SNX24: variants seen among roughly 807,000 people sequenced by gnomAD.
SNX24 encodes sorting nexin 24.
Under a neutral mutation model 28.7 loss-of-function variants are expected in SNX24, and 22 were observed. That is an observed-to-expected ratio of 0.77 (90% CI 0.55 to 1.10). The LOEUF is 1.10. Among genes scored for constraint, SNX24 ranks in the 50% least tolerant of loss-of-function variants. SNX24 has a pLI of 0.00. For missense variants in SNX24, 221 were observed against 201.1 expected (o/e 1.10, Z -0.60); for synonymous variants, 69 against 71.5 (o/e 0.96, Z 0.18).
chr5:122,888,072 T>A (rs564966610), intron 1 of SNX24, among the ~76,000 whole-genome samples: 37 of 152,220 alleles, frequency 2.4e-4, no homozygotes, highest in Non-Finnish European at 4.0e-4. Flanking sequence ...TTCATTTGAC[T>A]TGCTTTTGAT....
intron 3 of SNX24, among the ~76,000 whole-genome samples, chr5:122,976,152 A>G (rs1340949679): frequency 2.0e-5 from 3 of 152,138 alleles, no homozygotes; most frequent in Admixed American, 1.3e-4. Context: ...TCCAACACCT[A>G]TGGCTGATAT....
chr5:122,963,627 T>A (rs944849233), intron 3 of SNX24, among the ~76,000 whole-genome samples: 2 of 152,194 alleles, frequency 1.3e-5, no homozygotes, highest in African/African-American at 4.8e-5. Flanking sequence ...CCTTTAGATA[T>A]TTTTGATTAG....
intron 3 of SNX24, among the ~76,000 whole-genome samples, chr5:122,957,740 C>G (rs1014748046): frequency 6.6e-6 from 1 of 152,052 alleles, no homozygotes; most frequent in Non-Finnish European, 1.5e-5. Flanking sequence ...AGTCTTTCAC[C>G]TCCTTGGTTA....
At chr5:123,016,683 C>T (rs906187371) in intron 5 of SNX24, among the ~76,000 whole-genome samples, 10 of 151,844 alleles carry the variant, frequency 6.6e-5, no homozygotes, top group Non-Finnish European at 1.0e-4. Flanking sequence ...TGTATTGCAG[C>T]GCTATAAGTG....
intron 1 of SNX24, among the ~76,000 whole-genome samples, chr5:122,912,700 G>A (rs555519671): frequency 1.0e-3 from 151 of 150,822 alleles, no homozygotes; most frequent in African/African-American, 3.5e-3. Flanking sequence ...TTTTGTCAAA[G>A]GCCTTTTCTG....
At chr5:122,960,624 C>G (rs1227315559) in intron 3 of SNX24, among the ~76,000 whole-genome samples, 1 of 152,094 alleles carries the variant, frequency 6.6e-6, no homozygotes. Context: ...CCTGTGCAGA[C>G]CCCCAAGTTC....
chr5:122,885,430 C>T (rs1220106053), intron 1 of SNX24, among the ~76,000 whole-genome samples: 3 of 152,204 alleles, frequency 2.0e-5, no homozygotes, highest in Non-Finnish European at 4.4e-5. Flanking sequence ...GGCAGCCCCT[C>T]CTCACTTTTG....
intron 1 of SNX24, among the ~76,000 whole-genome samples, chr5:122,891,314 G>C (rs949519082): frequency 1.3e-5 from 2 of 152,046 alleles, no homozygotes; most frequent in Non-Finnish European, 1.5e-5. Context: ...TTAAAGCTAA[G>C]TGTTAAATTA....
intron 5 of SNX24, among the ~76,000 whole-genome samples, chr5:123,014,932 A>G (rs1248980616): frequency 6.6e-6 from 1 of 151,802 alleles, no homozygotes; most frequent in African/African-American, 2.4e-5. Context: ...ACTCATTCTC[A>G]CCCATTAGGT....
At chr5:122,915,856 A>G (rs558585315) in intron 1 of SNX24, among the ~76,000 whole-genome samples, 5 of 152,138 alleles carry the variant, frequency 3.3e-5, no homozygotes, top group Non-Finnish European at 7.4e-5. Context: ...TTCTTTTGTT[A>G]AACTGACCTT....
chr5:122,968,913 G>C (rs1260751790), intron 3 of SNX24, among the ~76,000 whole-genome samples: 4 of 152,050 alleles, frequency 2.6e-5, no homozygotes, highest in Middle Eastern at 6.8e-3. Flanking sequence ...GTAGTATCTT[G>C]ATATCAGGTA....
intron 2 of SNX24, among the ~76,000 whole-genome samples, chr5:122,943,649 C>G (rs568196593): frequency 2.4e-4 from 37 of 152,322 alleles, no homozygotes; most frequent in African/African-American, 8.9e-4. Flanking sequence ...CTAAAGACCA[C>G]CCTCAGGTCC....
rs550816294 is a variant in SNX24 at position 122,894,897 on chromosome 5, A to T, written c.61-41837A>T. On this transcript the variant is annotated intron_variant, in intron 1 of 6. Coordinates refer to ENST00000261369, the MANE Select transcript of SNX24 (RefSeq NM_014035.4). ...GCTGTAGTCTAGTTTCCAAGTAAAA[A>T]TAAAAAGAAACCTTTTAAATTAAAT... 3.5e-4 allele frequency among the ~76,000 whole-genome samples: 54 copies of T among 152,350 alleles called. No homozygotes were observed. The South Asian group carries it at 3.7e-3, about 11-fold the overall frequency.
At chr5:122,886,816 C>A (rs866905304) in intron 1 of SNX24, among the ~76,000 whole-genome samples, 2 of 150,952 alleles carry the variant, frequency 1.3e-5, no homozygotes, top group African/African-American at 4.9e-5. Context: ...GCCAACAGAG[C>A]GAGACTCTGA....
chr5:122,970,995 G>A (rs1237222229), intron 3 of SNX24, among the ~76,000 whole-genome samples: 1 of 152,140 alleles, frequency 6.6e-6, no homozygotes, highest in African/African-American at 2.4e-5. Context: ...AAGATGAATT[G>A]ACTCACACAA....
chr5:122,927,634 T>C (rs1758760092), intron 1 of SNX24, among the ~76,000 whole-genome samples: 1 of 152,170 alleles, frequency 6.6e-6, no homozygotes, highest in Non-Finnish European at 1.5e-5. Flanking sequence ...AAAGTTTAAT[T>C]TGGAAGAGAA....
intron 3 of SNX24, among the ~76,000 whole-genome samples, chr5:122,953,109 T>C (rs370196): frequency 2.0e-5 from 3 of 151,036 alleles, no homozygotes; most frequent in Admixed American, 1.3e-4. Context: ...TCCTTTCCTT[T>C]CTTTTTTTTT....
intron 2 of SNX24, among the ~76,000 whole-genome samples, chr5:122,941,864 A>T (rs1171015223): frequency 6.6e-6 from 1 of 152,118 alleles, no homozygotes; most frequent in Non-Finnish European, 1.5e-5. Flanking sequence ...CTCCTCTGCT[A>T]GTACTAGGTG....
intron 1 of SNX24, among the ~76,000 whole-genome samples, chr5:122,849,724 C>G (rs950451402): frequency 6.6e-6 from 1 of 152,108 alleles, no homozygotes. Context: ...TACCCAATGG[C>G]TTACTTATTT....
Sources: gnomAD v4.1 joint callset for allele counts (sites outside exome capture counted in the v4.1 genomes callset) on GRCh38, gnomAD v4.1.1 for gene constraint, MANE v1.5 for transcripts, NCBI Gene and HGNC (gene_info 2026-07-23, HGNC 2026-07-21) for gene names.